The following SELENOF variants were observed in gnomAD, a reference collection of about 807,000 sequenced individuals.
SELENOF encodes 15 kDa selenoprotein.
Under a neutral mutation model 20.5 loss-of-function variants are expected in SELENOF, and 16 were observed. The ratio of observed to expected loss-of-function variants is 0.78; its 90% CI spans 0.53 to 1.19. The LOEUF is 1.19. SELENOF is among the 50% of genes most tolerant of loss of function. The probability of loss-of-function intolerance (pLI) is 0.00; values close to 1 mark genes in which losing one functional copy is unlikely to be tolerated. For missense variants in SELENOF, 215 were observed against 194.2 expected (o/e 1.11, Z -0.64); for synonymous variants, 78 against 74.5 (o/e 1.05, Z -0.24).
intron 2 of SELENOF, among the ~76,000 whole-genome samples, chr1:86,885,786 C>G (rs957087019): frequency 1.3e-5 from 2 of 152,176 alleles, no homozygotes; most frequent in Non-Finnish European, 2.9e-5. Context: ...CTGCCACTTA[C>G]AAGCAGTATG....
chr1:86,867,756 A>T lies in SELENOF; in HGVS notation c.366+297T>A, dbSNP rs115030654. ...AATATTGATTCATCAATTGTAACAA[A>T]TGTACCACACCAATGCAAGATGTTA... On this transcript the variant is annotated intron_variant, in intron 4 of 4. Coordinates refer to ENST00000331835, the MANE Select transcript of SELENOF (RefSeq NM_004261.5). 9.2e-3 allele frequency among the ~76,000 whole-genome samples: 1,330 copies of T among 143,928 alleles called. 9 individuals are homozygous for T. The highest frequency in any genetic ancestry group is 0.018 in the Middle Eastern group (5 of 280). 94.4% of individuals were successfully genotyped at this position (143,928 alleles called of 152,430 possible).
intron 1 of SELENOF, among the ~76,000 whole-genome samples, chr1:86,903,779 G>C (rs962792484): frequency 2.0e-5 from 3 of 151,956 alleles, no homozygotes; most frequent in Admixed American, 1.3e-4. Flanking sequence ...ATTTTTAATA[G>C]AGACGGGGGC....
At chr1:86,899,621 C>T (rs528581094) in intron 2 of SELENOF, among the ~76,000 whole-genome samples, 8 of 150,734 alleles carry the variant, frequency 5.3e-5, no homozygotes, top group Middle Eastern at 6.9e-3. Flanking sequence ...CCAGACGGGG[C>T]GGCTGGCCTG....
At chr1:86,899,080 T>C (rs1456996711) in intron 2 of SELENOF, among the ~76,000 whole-genome samples, 1 of 151,748 alleles carries the variant, frequency 6.6e-6, no homozygotes, top group African/African-American at 2.4e-5. Flanking sequence ...AGCACATGTT[T>C]CAGAGAGCAC....
chr1:86,890,329 A>C (rs879873776), intron 2 of SELENOF, among the ~76,000 whole-genome samples: 6 of 152,200 alleles, frequency 3.9e-5, no homozygotes, highest in Admixed American at 3.3e-4. Flanking sequence ...CCTCCTTCTA[A>C]GAGCTTTCAT....
chr1:86,868,408 A>G (rs1362722200), intron 3 of SELENOF, among the ~76,000 whole-genome samples: 5 of 152,172 alleles, frequency 3.3e-5, no homozygotes, highest in Admixed American at 1.3e-4. Context: ...CAGTTTTTAA[A>G]AAGATATGGA....
chr1:86,869,843 C>T (rs1246942510), intron 3 of SELENOF, among the ~76,000 whole-genome samples: 2 of 151,888 alleles, frequency 1.3e-5, no homozygotes, highest in African/African-American at 2.4e-5. Context: ...GGCGCAATCT[C>T]GGCTCACTGC....
chr1:86,880,786 T>C (rs1557459240), intron 2 of SELENOF, 61 bp from the exon 3 acceptor site: 2 of 1,078,204 alleles, frequency 1.9e-6, no homozygotes, highest in Non-Finnish European at 2.7e-6. Flanking sequence ...ACTTATAAAA[T>C]AAATATAAAT....
chr1:86,870,864 C>T (rs1167312023), intron 3 of SELENOF, among the ~76,000 whole-genome samples: 2 of 152,124 alleles, frequency 1.3e-5, no homozygotes, highest in African/African-American at 2.4e-5. Flanking sequence ...CGTGATCTGC[C>T]CACCTCGGCC....
chr1:86,896,377 C>T (rs1228147872), intron 2 of SELENOF, among the ~76,000 whole-genome samples: 1 of 151,942 alleles, frequency 6.6e-6, no homozygotes, highest in Non-Finnish European at 1.5e-5. Flanking sequence ...CATCCAGCAG[C>T]CATAAGCAAG....
intron 2 of SELENOF, among the ~76,000 whole-genome samples, chr1:86,886,405 C>T (rs1310552124): frequency 4.0e-5 from 6 of 150,544 alleles, no homozygotes; most frequent in Admixed American, 2.0e-4. Flanking sequence ...CCATAAACAT[C>T]GACTGAAGCA....
chr1:86,909,273 A>G (rs1190741505), intron 1 of SELENOF, among the ~76,000 whole-genome samples: 1 of 152,026 alleles, frequency 6.6e-6, no homozygotes, highest in African/African-American at 2.4e-5. Flanking sequence ...ACTCCTTTTC[A>G]TTTTCAAGGT....
rs550759611 is a variant in SELENOF at position 86,880,482 on chromosome 1, T to C, written c.316+180A>G. Among the ~76,000 whole-genome samples the C allele has an allele frequency of 1.9e-3, 285 of 152,166 alleles. 1 individual carries two copies. The highest frequency in any genetic ancestry group is 6.5e-3 in the African/African-American group (270 of 41,488). On this transcript the variant is annotated intron_variant, in intron 3 of 4. Transcript: ENST00000331835. Reference sequence around the variant, plus strand: ...ATATTGTGTTTTTTTTAAAGTAACATAGCATTCACCAATTACTTTAACAAA... The same window carrying C: ...ATATTGTGTTTTTTTTAAAGTAACACAGCATTCACCAATTACTTTAACAAA...
In SELENOF at chr1:86,863,423, AT is replaced by A. The variant is rs1327327587; in HGVS notation, c.*50del. On this transcript the variant is annotated 3_prime_UTR_variant, in exon 5 of 5. Transcript: ENST00000331835. ...ACTAAATTATTTTCTAGGTGCTGTA[AT>A]ATTTCATTTGATAAGGTAACAAAAG... The A allele has an allele frequency of 8.0e-6, 12 of 1,500,518 alleles. No homozygotes were observed. Among genetic ancestry groups the A allele is most frequent in the Admixed American group, 5.6e-5 (3 of 53,750 alleles). 93.0% of individuals were successfully genotyped at this position (1,500,518 alleles called of 1,614,324 possible).
chr1:86,911,658 A>G (rs1313628486), intron 1 of SELENOF, among the ~76,000 whole-genome samples: 1 of 152,242 alleles, frequency 6.6e-6, no homozygotes, highest in Non-Finnish European at 1.5e-5. Context: ...CTAGGCAAAG[A>G]TAGTAGCCTG....
intron 1 of SELENOF, among the ~76,000 whole-genome samples, chr1:86,909,619 G>A (rs527511786): frequency 1.2e-4 from 19 of 152,282 alleles, no homozygotes; most frequent in African/African-American, 3.9e-4. Context: ...TAATTGGCAC[G>A]GGGACAGGAG....
intron 2 of SELENOF, among the ~76,000 whole-genome samples, chr1:86,899,392 G>A (rs1318045243): frequency 7.7e-6 from 1 of 130,140 alleles, no homozygotes; most frequent in African/African-American, 3.5e-5. Context: ...CCTCCCGGAC[G>A]GGACGGCTGG....
rs913852910 is a variant in SELENOF, at chr1:86,913,916, A to G, written c.84+112T>C. On this transcript the variant is annotated intron_variant, in intron 1 of 4. Coordinates refer to ENST00000331835, the MANE Select transcript of SELENOF (RefSeq NM_004261.5). ...TTGCATTCTGGCCGCAGCAGTCATTAAGGAAGCGCAGTCCTCCCCACCCTT... is the reference window on the plus strand; with the variant it reads ...TTGCATTCTGGCCGCAGCAGTCATTGAGGAAGCGCAGTCCTCCCCACCCTT... The G allele has an allele frequency of 2.1e-5, 21 of 983,044 alleles. No individual in the cohort carries two copies. The Admixed American group carries it at 3.1e-4, about 14-fold the overall frequency. The allele number at this position is 983,044 out of a possible 1,614,324, so 60.9% of individuals were successfully genotyped here.
intron 2 of SELENOF, among the ~76,000 whole-genome samples, chr1:86,891,184 A>G (rs943330009): frequency 1.3e-5 from 2 of 151,524 alleles, no homozygotes; most frequent in African/African-American, 4.9e-5. Context: ...CGAGTAGCTG[A>G]GGTTACAGGC....
Sources: allele counts gnomAD v4.1 joint callset (sites outside exome capture counted in the v4.1 genomes callset), GRCh38; gene constraint gnomAD v4.1.1; transcripts MANE v1.5; gene names NCBI Gene and HGNC (gene_info 2026-07-23, HGNC 2026-07-21).